Variants in CAPZA2 observed in about 807,000 individuals in gnomAD.
CAPZA2 encodes the protein capping actin protein of muscle Z-line subunit alpha 2, also known as F-actin-capping protein subunit alpha-2.
In CAPZA2, 13 loss-of-function variants were observed where a neutral mutation model predicts 44.0. The observed-to-expected ratio is 0.30, with a 90% CI of 0.19 to 0.47. The LOEUF is 0.47. CAPZA2 is among the 20% of genes least tolerant of loss of function. The pLI, the probability that CAPZA2 is intolerant of heterozygous loss-of-function variation, is 1.00. For synonymous variants in CAPZA2, 94 were observed against 108.2 expected, an observed-to-expected ratio of 0.87 and a Z score of 0.81; for missense variants, 244 against 338.6, an observed-to-expected ratio of 0.72 and a Z score of 2.19.
chr7:116,890,975 G>C (rs896260688), intron 2 of CAPZA2, among the ~76,000 whole-genome samples: 3 of 151,976 alleles, frequency 2.0e-5, no homozygotes, highest in Non-Finnish European at 4.4e-5. Flanking sequence ...TTCCTAGGCT[G>C]ACTGTGTTAG....
chr7:116,917,640 TA>T, intron 9 of CAPZA2, 86 bp from the exon 10 acceptor site: 2 of 960,808 alleles, frequency 2.1e-6, no homozygotes, highest in Admixed American at 1.8e-5. Flanking sequence ...GCTGCTTAAA[TA>T]AAACTTATTC....
chr7:116,863,790 T>C (rs1322113826), intron 1 of CAPZA2, among the ~76,000 whole-genome samples: 4 of 152,224 alleles, frequency 2.6e-5, no homozygotes, highest in African/African-American at 9.6e-5. Context: ...TTTAGGTATG[T>C]TGTGGTGTTT....
In CAPZA2 at chr7:116,920,291, AGAATG is replaced by A. The variant is rs1791751021; in HGVS notation, c.*2428_*2432del. 1.3e-5 allele frequency: 2 copies of A among 152,142 alleles called. No homozygotes were observed. Among genetic ancestry groups the A allele is most frequent in the Non-Finnish European group, 2.9e-5 (2 of 68,042 alleles). 9.4% of individuals were successfully genotyped at this position (152,142 alleles called of 1,614,324 possible). A position where few individuals can be genotyped will look rare whatever the true frequency, so the allele number is the denominator to read the frequency against. On this transcript the variant is annotated 3_prime_UTR_variant, in exon 10 of 10. Coordinates refer to ENST00000361183, the MANE Select transcript of CAPZA2 (RefSeq NM_006136.3). Reference sequence around the variant, plus strand: ...GAATGGCATTTATTAAAGTGAAAGAAGAATGGAAACCCAGAGTATCCTATAGCTCA... The same window carrying A: ...GAATGGCATTTATTAAAGTGAAAGAAGAAACCCAGAGTATCCTATAGCTCA...
chr7:116,909,410 A>T (rs1791557353), intron 6 of CAPZA2, among the ~76,000 whole-genome samples: 1 of 152,172 alleles, frequency 6.6e-6, no homozygotes, highest in Non-Finnish European at 1.5e-5. Flanking sequence ...AATTTTGTCA[A>T]AAAAGAAAAA....
chr7:116,904,468 A>C (rs1282710562), intron 5 of CAPZA2, 85 bp downstream of exon 5: 6 of 774,326 alleles, frequency 7.7e-6, no homozygotes, highest in Non-Finnish European at 1.3e-5. Context: ...TAACTTACAG[A>C]ATTGACATTG....
At position 116,918,053 on chromosome 7, in the gene CAPZA2, A is replaced by G; in HGVS notation, c.*186A>G. On this transcript the variant is annotated 3_prime_UTR_variant, in exon 10 of 10. Coordinates refer to ENST00000361183, the MANE Select transcript of CAPZA2 (RefSeq NM_006136.3). Reference sequence around the variant, plus strand: ...ATTATTTTTCATTTTGTTTGTTCTAAGAGGATTGAAAATCAGTTTAGTTTA... The same window carrying G: ...ATTATTTTTCATTTTGTTTGTTCTAGGAGGATTGAAAATCAGTTTAGTTTA... 1 of 506,508 alleles carries G rather than the reference A, an allele frequency of 2.0e-6. No homozygotes were observed. Among genetic ancestry groups the G allele is most frequent in the Non-Finnish European group, 3.5e-6 (1 of 282,822 alleles). The allele number at this position is 506,508 out of a possible 1,614,324, so 31.4% of individuals were successfully genotyped here. A position where few individuals can be genotyped will look rare whatever the true frequency, so the allele number is the denominator to read the frequency against.
At chr7:116,901,274 A>G (rs1047473383) in intron 4 of CAPZA2, among the ~76,000 whole-genome samples, 1 of 152,158 alleles carries the variant, frequency 6.6e-6, no homozygotes, top group African/African-American at 2.4e-5. Context: ...CAGTGATGAT[A>G]GACTAGGTGA....
chr7:116,917,758 C>T lies in CAPZA2; in HGVS notation c.752C>T (p.Ser251Leu), dbSNP rs1209909082. The T allele has an allele frequency of 1.2e-6, 2 of 1,607,264 alleles. No individual in the cohort carries two copies. Among genetic ancestry groups the T allele is most frequent in the East Asian group, 2.2e-5 (1 of 44,866 alleles). Residue 251 changes from serine (S) to leucine (L), a missense_variant, in exon 10 of 10, where the codon TCG becomes TTG. Coordinates refer to ENST00000361183, the MANE Select transcript of CAPZA2 (RefSeq NM_006136.3). ...ATCAGTGAGAATTATCAGACAATGT[C>T]GGACACTACTTTCAAAGCCTTACGT... ...TAISENYQTM[S>L]DTTFKALRRQ...
chr7:116,908,355 A>G (rs1404335209), intron 6 of CAPZA2, among the ~76,000 whole-genome samples: 1 of 152,218 alleles, frequency 6.6e-6, no homozygotes, highest in Non-Finnish European at 1.5e-5. Context: ...CTTAGATTTC[A>G]GTAGAGACCT....
At position 116,904,328 on chromosome 7, in the gene CAPZA2, T is replaced by C. The variant is rs1189188649; in HGVS notation, c.371T>C (p.Val124Ala). The C allele has an allele frequency of 6.2e-7, 1 of 1,613,714 alleles. No individual in the cohort carries two copies. Among genetic ancestry groups the C allele is most frequent in the Admixed American group, 1.7e-5 (1 of 60,008 alleles). Reference protein sequence around the residue: ...ENAVESWRTSVETALRAYVKE... With the variant: ...ENAVESWRTSAETALRAYVKE... ...GCAGTTGAATCATGGAGAACTTCAG[T>C]AGAAACTGCTCTGAGAGCTTACGTA... The change falls in exon 5 of 10, where the codon GTA becomes GCA. Residue 124 changes from valine to alanine, a missense_variant. Transcript: ENST00000361183.
intron 3 of CAPZA2, among the ~76,000 whole-genome samples, chr7:116,896,668 G>A (rs1796933035): frequency 6.6e-6 from 1 of 152,142 alleles, no homozygotes; most frequent in Non-Finnish European, 1.5e-5. Context: ...AGTAACAGGT[G>A]ACTTAGAAAT....
intron 9 of CAPZA2, among the ~76,000 whole-genome samples, chr7:116,917,107 T>C (rs1791690494): frequency 6.6e-6 from 1 of 152,210 alleles, no homozygotes; most frequent in Non-Finnish European, 1.5e-5. Flanking sequence ...TTTCTACTCC[T>C]TAAAAATAAT....
chr7:116,863,984 G>A (rs1011296307), intron 1 of CAPZA2, among the ~76,000 whole-genome samples: 3 of 152,072 alleles, frequency 2.0e-5, no homozygotes, highest in Non-Finnish European at 4.4e-5. Flanking sequence ...CGGTGAAAGT[G>A]ATAATACAAC....
intron 1 of CAPZA2, among the ~76,000 whole-genome samples, chr7:116,885,421 C>T (rs1183738067): frequency 6.6e-6 from 1 of 151,884 alleles, no homozygotes; most frequent in African/African-American, 2.4e-5. Context: ...AGTCCCCCAC[C>T]AAAAATCAAG....
intron 8 of CAPZA2, among the ~76,000 whole-genome samples, chr7:116,912,994 T>C (rs371781868): frequency 6.6e-6 from 1 of 152,186 alleles, no homozygotes; most frequent in Non-Finnish European, 1.5e-5. Flanking sequence ...TGAAGTAGTG[T>C]CTTATTGTGG....
At chr7:116,909,011 T>C (rs1791551477) in intron 6 of CAPZA2, among the ~76,000 whole-genome samples, 1 of 152,176 alleles carries the variant, frequency 6.6e-6, no homozygotes, top group African/African-American at 2.4e-5. Context: ...TTTTAAATAT[T>C]TACATCATAC....
chr7:116,907,470 AAC>A (rs1401968503), intron 6 of CAPZA2, among the ~76,000 whole-genome samples: 2 of 152,230 alleles, frequency 1.3e-5, no homozygotes, highest in Admixed American at 6.5e-5. Flanking sequence ...TATGCCAGGA[AAC>A]ACATAATAAA....
intron 4 of CAPZA2, among the ~76,000 whole-genome samples, chr7:116,903,252 G>C (rs1393135002): frequency 3.3e-5 from 5 of 151,866 alleles, no homozygotes; most frequent in Non-Finnish European, 7.4e-5. Context: ...GTGTGTGTGT[G>C]TGTGTGTGTG....
chr7:116,899,351 G>A (rs1046859526), intron 4 of CAPZA2, among the ~76,000 whole-genome samples: 7 of 151,756 alleles, frequency 4.6e-5, no homozygotes, highest in African/African-American at 1.2e-4. Context: ...TTTCATGCTT[G>A]CATGAAGGAC....
Sources: gnomAD v4.1 joint callset for allele counts (sites outside exome capture counted in the v4.1 genomes callset) on GRCh38, gnomAD v4.1.1 for gene constraint, MANE v1.5 for transcripts, NCBI Gene and HGNC (gene_info 2026-07-23, HGNC 2026-07-21) for gene names.